Variants in ASPRV1 observed in about 807,000 individuals in gnomAD.
The protein encoded by ASPRV1 is retroviral-like aspartic protease 1.
In ASPRV1, 7 loss-of-function variants were observed where a neutral mutation model predicts 11.0. That is an observed-to-expected ratio of 0.64 (90% CI 0.36 to 1.20). The LOEUF is 1.20. Ranked by LOEUF, ASPRV1 falls within the 50% of genes most tolerant of loss-of-function variation. The probability of loss-of-function intolerance (pLI) is 0.02; values close to 1 mark genes in which losing one functional copy is unlikely to be tolerated. For missense variants in ASPRV1, 299 were observed against 320.0 expected, an observed-to-expected ratio of 0.93 and a Z score of 0.50; for synonymous variants, 136 against 138.4, an observed-to-expected ratio of 0.98 and a Z score of 0.12.
chr2:69,973,547 T>C, the ASPRV1 span, among the ~76,000 whole-genome samples: 1 of 152,152 alleles, frequency 6.6e-6, no homozygotes, highest in Non-Finnish European at 1.5e-5. Context: ...CTGGTTTAGT[T>C]ATATTGCCCA....
chr2:70,000,114 G>A, the ASPRV1 span, among the ~76,000 whole-genome samples: 2 of 152,062 alleles, frequency 1.3e-5, no homozygotes, highest in East Asian at 1.9e-4. Context: ...TTGATTACAT[G>A]GATATTTTAG....
At chr2:69,939,078 T>G in the ASPRV1 span, 1 of 152,616 alleles carries the variant, frequency 6.6e-6, no homozygotes, top group Non-Finnish European at 1.5e-5. Context: ...CTGGAACATT[T>G]TTTTTTCCTA....
chr2:70,068,388 C>G, the ASPRV1 span, among the ~76,000 whole-genome samples: 1 of 152,216 alleles, frequency 6.6e-6, no homozygotes, highest in East Asian at 1.9e-4. Flanking sequence ...TGTAAAGATT[C>G]CAAATGAAGT....
At chr2:69,991,082 C>T in the ASPRV1 span, among the ~76,000 whole-genome samples, 21 of 152,188 alleles carry the variant, frequency 1.4e-4, no homozygotes, top group African/African-American at 5.1e-4. Context: ...TATAAATTCA[C>T]CTCTCCTCTG....
upstream of ASPRV1, chr2:69,963,433 T>C (rs974743733): frequency 4.2e-5 from 19 of 456,612 alleles, no homozygotes; most frequent in Admixed American, 3.3e-4. Context: ...TGTTGTTCTG[T>C]GGCTCAAAGA....
the ASPRV1 span, among the ~76,000 whole-genome samples, chr2:70,013,665 G>A: frequency 0.024 from 3,705 of 152,270 alleles, 344 homozygotes; most frequent in Admixed American, 0.17. Flanking sequence ...CAAGGTGGGT[G>A]GATCACTTGA....
At chr2:70,012,647 T>A in the ASPRV1 span, among the ~76,000 whole-genome samples, 2 of 152,196 alleles carry the variant, frequency 1.3e-5, no homozygotes, top group African/African-American at 4.8e-5. Context: ...AAAGGCAAAC[T>A]TAATGTAAAA....
chr2:69,996,720 A>G, the ASPRV1 span: 2 of 456,604 alleles, frequency 4.4e-6, no homozygotes, highest in African/African-American at 2.0e-5. Context: ...GGGTCCAAAG[A>G]AAGCCACCAT....
chr2:70,011,145 A>C, the ASPRV1 span, among the ~76,000 whole-genome samples: 2 of 151,616 alleles, frequency 1.3e-5, no homozygotes, highest in South Asian at 4.2e-4. Flanking sequence ...GGAAAGGAGC[A>C]AAAAAAATAA....
At chr2:69,980,911 G>C in the ASPRV1 span, among the ~76,000 whole-genome samples, 1 of 152,154 alleles carries the variant, frequency 6.6e-6, no homozygotes, top group Admixed American at 6.6e-5. Context: ...GAGTAGCTGG[G>C]ATTACAGGCG....
the ASPRV1 span, among the ~76,000 whole-genome samples, chr2:69,978,703 GC>G: frequency 2.0e-5 from 3 of 152,174 alleles, no homozygotes; most frequent in African/African-American, 7.2e-5. Context: ...ACTGGGAAAG[GC>G]CCCGAACACC....
chr2:69,991,410 A>AT, the ASPRV1 span, among the ~76,000 whole-genome samples: 1 of 152,110 alleles, frequency 6.6e-6, no homozygotes, highest in Non-Finnish European at 1.5e-5. Flanking sequence ...AAAATGTTAC[A>AT]TTTTCCCTTG....
chr2:69,963,855 A>T (rs1018197775), upstream of ASPRV1, among the ~76,000 whole-genome samples: 143 of 152,264 alleles, frequency 9.4e-4, 1 homozygote, highest in African/African-American at 3.2e-3. Flanking sequence ...GGGATTTTGC[A>T]AGGACAGGGA....
At chr2:70,028,516 G>T in the ASPRV1 span, 1 of 152,106 alleles carries the variant, frequency 6.6e-6, no homozygotes, top group South Asian at 2.1e-4. Context: ...TCCTCTCTGG[G>T]TGCCTCTGGA....
the ASPRV1 span, among the ~76,000 whole-genome samples, chr2:70,082,380 G>C: frequency 6.6e-6 from 1 of 151,992 alleles, no homozygotes; most frequent in Admixed American, 6.6e-5. Flanking sequence ...ACCAACCTGA[G>C]CAACACAGCA....
upstream of ASPRV1, chr2:69,962,848 G>A (rs1678177792): frequency 5.3e-6 from 1 of 188,230 alleles, no homozygotes; most frequent in Admixed American, 5.3e-5. Flanking sequence ...CCTGGCATTT[G>A]TGATTGTCTC....
chr2:70,059,829 C>T, the ASPRV1 span: 1 of 152,186 alleles, frequency 6.6e-6, no homozygotes, highest in Non-Finnish European at 1.5e-5. Context: ...TGACAGGAGG[C>T]ACAGCTCGGG....
the ASPRV1 span, among the ~76,000 whole-genome samples, chr2:70,002,587 T>C: frequency 3.3e-5 from 5 of 152,192 alleles, no homozygotes; most frequent in Non-Finnish European, 7.3e-5. Context: ...TGTAGAGTGA[T>C]GGGGCTGCTT....
the ASPRV1 span, among the ~76,000 whole-genome samples, chr2:69,977,579 T>C: frequency 6.6e-6 from 1 of 152,172 alleles, no homozygotes; most frequent in Non-Finnish European, 1.5e-5. Flanking sequence ...AAAATGAAGG[T>C]TGACCTTCCT....
Sources: gnomAD v4.1 joint callset for allele counts (sites outside exome capture counted in the v4.1 genomes callset) on GRCh38, gnomAD v4.1.1 for gene constraint, MANE v1.5 for transcripts, NCBI Gene and HGNC (gene_info 2026-07-23, HGNC 2026-07-21) for gene names.